Variants in DOK6 observed in about 807,000 individuals in gnomAD.
The protein encoded by DOK6 is docking protein 6.
Under a neutral mutation model 44.0 loss-of-function variants are expected in DOK6, and 22 were observed. That is an observed-to-expected ratio of 0.50 (90% CI 0.36 to 0.71). DOK6 has a LOEUF of 0.71. Among genes scored for constraint, DOK6 ranks in the 30% least tolerant of loss-of-function variants. The pLI is 0.00. For missense variants in DOK6, 340 were observed against 416.4 expected (o/e 0.82, Z 1.60); for synonymous variants, 166 against 145.5 (o/e 1.14, Z -1.01).
intron 5 of DOK6, among the ~76,000 whole-genome samples, chr18:69,736,930 C>G (rs1399155877): frequency 6.6e-6 from 1 of 152,174 alleles, no homozygotes; most frequent in African/African-American, 2.4e-5. Flanking sequence ...AGATTTAGAT[C>G]TGATGGTCTG....
At chr18:69,487,013 G>T (rs930270462) in intron 1 of DOK6, among the ~76,000 whole-genome samples, 1 of 152,076 alleles carries the variant, frequency 6.6e-6, no homozygotes, top group Admixed American at 6.5e-5. Context: ...CTCCACTTTA[G>T]GGTTGTAAGT....
chr18:69,824,354 A>T (rs141527431), intron 7 of DOK6, among the ~76,000 whole-genome samples: 2,669 of 83,996 alleles, frequency 0.032, 76 homozygotes, highest in African/African-American at 0.1. Context: ...AAAAAAAAAA[A>T]ATTTTTTGAG....
Position 69,819,223 on chromosome 18 carries a change from A to G in DOK6, c.857-22021A>G, listed in dbSNP as rs571559711. 3.3e-5 allele frequency among the ~76,000 whole-genome samples: 5 copies of G among 152,284 alleles called. No homozygotes were observed. In the South Asian group the frequency reaches 1.0e-3, roughly 32 times the overall value. On this transcript the variant is annotated intron_variant, in intron 7 of 7. Transcript: ENST00000382713. ...TAATCCATATCAGTATCTTAATCAT[A>G]GGATAGTAGCCATCTCTTTTAGCAT...
rs766844661 is a variant in DOK6 at position 69,564,497 on chromosome 18, G to A, written c.77G>A (p.Arg26Gln). The change falls in exon 2 of 8, where the codon CGA becomes CAA. Residue 26 changes from arginine (R) to glutamine (Q), a missense_variant. This residue lies in a region of DOK6 where 206 missense variants were observed against 258.6 expected (regional missense o/e 0.80). Coordinates refer to ENST00000382713, the MANE Select transcript of DOK6 (RefSeq NM_152721.6). ...TTTATTTGCTTTCAGATTTTCAGAC[G>A]ATGCTGGTTGGTTTTCAAGAAGGCT... ...IRSRKLGIFR[R>Q]CWLVFKKASS... 27 of 1,613,440 alleles carry A rather than the reference G, an allele frequency of 1.7e-5. No homozygotes were observed. The highest frequency in any genetic ancestry group is 1.6e-4 in the Middle Eastern group (1 of 6,082).
chr18:69,688,436 A>G (rs1289756137), intron 4 of DOK6, among the ~76,000 whole-genome samples: 1 of 152,252 alleles, frequency 6.6e-6, no homozygotes, highest in African/African-American at 2.4e-5. Context: ...AGCACTTATT[A>G]TAAGTGATAA....
intron 3 of DOK6, among the ~76,000 whole-genome samples, chr18:69,602,056 T>C (rs1983886072): frequency 6.6e-6 from 1 of 152,084 alleles, no homozygotes; most frequent in Non-Finnish European, 1.5e-5. Context: ...ATGCAGAAAA[T>C]TGCAAATAAT....
chr18:69,575,772 A>G (rs1360405714), intron 2 of DOK6, among the ~76,000 whole-genome samples: 2 of 152,102 alleles, frequency 1.3e-5, no homozygotes, highest in Non-Finnish European at 2.9e-5. Flanking sequence ...TTTAACAAAG[A>G]GAAAATTGTT....
intron 5 of DOK6, among the ~76,000 whole-genome samples, chr18:69,704,325 C>T (rs554215879): frequency 1.1e-4 from 16 of 152,154 alleles, no homozygotes; most frequent in African/African-American, 3.1e-4. Context: ...TTCTGATGAG[C>T]GAAGATCCCT....
intron 3 of DOK6, among the ~76,000 whole-genome samples, chr18:69,675,024 C>T (rs1160607857): frequency 2.0e-5 from 3 of 152,036 alleles, no homozygotes; most frequent in Non-Finnish European, 4.4e-5. Context: ...TTTTATTATT[C>T]TTGCTATTCC....
chr18:69,485,430 G>A (rs1980547240), intron 1 of DOK6, among the ~76,000 whole-genome samples: 1 of 152,096 alleles, frequency 6.6e-6, no homozygotes, highest in Non-Finnish European at 1.5e-5. Context: ...GACCATCAAA[G>A]GCATTGCCTC....
chr18:69,631,912 A>G (rs1234620442), intron 3 of DOK6, among the ~76,000 whole-genome samples: 1 of 152,216 alleles, frequency 6.6e-6, no homozygotes, highest in Non-Finnish European at 1.5e-5. Context: ...ATCATAAGTC[A>G]CATTGACTCT....
intron 4 of DOK6, among the ~76,000 whole-genome samples, chr18:69,684,975 G>T (rs56362100): frequency 0.031 from 4,688 of 152,190 alleles, 125 homozygotes; most frequent in African/African-American, 0.069. Context: ...AATGAGATAA[G>T]ATGACCCCTT....
chr18:69,526,935 C>G (rs1490210390), intron 1 of DOK6, among the ~76,000 whole-genome samples: 1 of 152,170 alleles, frequency 6.6e-6, no homozygotes, highest in Non-Finnish European at 1.5e-5. Context: ...TTCCATAGAT[C>G]ATTTATTATC....
At chr18:69,625,375 T>A (rs943242617) in intron 3 of DOK6, among the ~76,000 whole-genome samples, 1 of 152,282 alleles carries the variant, frequency 6.6e-6, no homozygotes, top group African/African-American at 2.4e-5. Context: ...TGATGCACCT[T>A]GGGAGGGTAA....
At chr18:69,497,480 G>A (rs1172892620) in intron 1 of DOK6, among the ~76,000 whole-genome samples, 1 of 152,126 alleles carries the variant, frequency 6.6e-6, no homozygotes, top group Non-Finnish European at 1.5e-5. Context: ...GAGTGTTACT[G>A]GGTATAGGGG....
intron 7 of DOK6, among the ~76,000 whole-genome samples, chr18:69,833,357 A>G (rs989060749): frequency 3.3e-5 from 5 of 152,164 alleles, no homozygotes; most frequent in Non-Finnish European, 7.4e-5. Context: ...CTGGTTATTT[A>G]TACACAGAAT....
chr18:69,757,179 T>A (rs1490081605), intron 6 of DOK6, among the ~76,000 whole-genome samples: 1 of 152,182 alleles, frequency 6.6e-6, no homozygotes, highest in Non-Finnish European at 1.5e-5. Flanking sequence ...TTTTTTAATA[T>A]GTACAAGATT....
chr18:69,781,199 A>T (rs1450178631), intron 7 of DOK6: 8 of 152,090 alleles, frequency 5.3e-5, no homozygotes, highest in Non-Finnish European at 1.2e-4. Context: ...CTTAAAGAGG[A>T]TTTTTTTCTA....
intron 7 of DOK6, chr18:69,832,689 T>C (rs1237712404): frequency 1.3e-5 from 2 of 152,132 alleles, no homozygotes; most frequent in African/African-American, 4.8e-5. Flanking sequence ...TTCAATCTCA[T>C]TATTCATTAT....
Sources: gnomAD v4.1 joint callset for allele counts (sites outside exome capture counted in the v4.1 genomes callset) on GRCh38, gnomAD v4.1.1 for gene constraint, gnomAD v4.1.1 regional missense constraint, MANE v1.5 for transcripts, NCBI Gene and HGNC (gene_info 2026-07-23, HGNC 2026-07-21) for gene names.